Variants in SMARCA2 observed in about 807,000 individuals in gnomAD.
SMARCA2 encodes SWI/SNF-related matrix-associated actin-dependent regulator of chromatin subfamily A member 2.
SMARCA2 carries 61 observed loss-of-function variants against 199.8 expected under a neutral mutation model. That is an observed-to-expected ratio of 0.31 (90% CI 0.25 to 0.38). SMARCA2 has a LOEUF of 0.38. SMARCA2 is among the 10% of genes least tolerant of loss of function. The pLI is 1.00. For synonymous variants in SMARCA2, 935 were observed against 732.0 expected (o/e 1.28, Z -4.48); for missense variants, 1,344 against 2,012.2 (o/e 0.67, Z 6.35).
intron 27 of SMARCA2, among the ~76,000 whole-genome samples, chr9:2,138,225 C>T (rs1214200220): frequency 6.6e-6 from 1 of 151,710 alleles, no homozygotes; most frequent in African/African-American, 2.4e-5. Flanking sequence ...AAAATTAAGA[C>T]AAAAAGTATT....
chr9:2,186,216 T>G lies in SMARCA2; in HGVS notation c.4582T>G (p.Ser1528Ala), dbSNP rs575273198. ...GGAGGAAGAGGAAGATGAAGAAGAGTCAGAGTCCGAGGGTAAGCCCAGACA... is the reference window on the plus strand; with the variant it reads ...GGAGGAAGAGGAAGATGAAGAAGAGGCAGAGTCCGAGGGTAAGCCCAGACA... ...EEEEEEDEEE[S>A]ESEAKSVKVK... Residue 1528 changes from serine (S) to alanine (A), a missense_variant, in exon 32 of 34, where the codon TCA becomes GCA. By Grantham distance (99) the Ser-to-Ala change is moderately conservative. Around this residue, in one of 18 missense-constraint regions of SMARCA2, gnomAD observed 155 missense variants for 121.1 expected, o/e 1.28. Coordinates refer to ENST00000349721, the MANE Select transcript of SMARCA2 (RefSeq NM_003070.5). 2 of 1,613,338 alleles carry G rather than the reference T, an allele frequency of 1.2e-6. No homozygotes were observed. The highest frequency in any genetic ancestry group is 1.3e-5 in the African/African-American group (1 of 74,850).
intron 27 of SMARCA2, among the ~76,000 whole-genome samples, chr9:2,133,124 A>T (rs1047688627): frequency 6.6e-6 from 1 of 152,328 alleles, no homozygotes; most frequent in African/African-American, 2.4e-5. Flanking sequence ...TAACCATGGG[A>T]AACTGAATTT....
At chr9:2,134,029 G>C (rs1251768050) in intron 27 of SMARCA2, among the ~76,000 whole-genome samples, 1 of 152,110 alleles carries the variant, frequency 6.6e-6, no homozygotes, top group African/African-American at 2.4e-5. Flanking sequence ...GAGAATTAAA[G>C]GTGTGTAACA....
chr9:2,145,792 C>A (rs1824712417), intron 27 of SMARCA2, among the ~76,000 whole-genome samples: 1 of 152,006 alleles, frequency 6.6e-6, no homozygotes, highest in African/African-American at 2.4e-5. Context: ...GCTATGTACT[C>A]TAGGGGAATT....
At position 2,148,797 on chromosome 9, in the gene SMARCA2, C is replaced by T. The variant is rs140409091; in HGVS notation, c.3982-12889C>T. ...GCACTGAGATTACAAGTGTGAGCCA[C>T]GGTGCCCAGCTTGTTTTCTATAGAT... is the stretch of plus-strand genomic sequence containing the variant. On this transcript the variant is annotated intron_variant, in intron 27 of 33. Coordinates refer to ENST00000349721, the MANE Select transcript of SMARCA2 (RefSeq NM_003070.5). Among the ~76,000 whole-genome samples the T allele has an allele frequency of 2.1e-4, 32 of 151,570 alleles. No homozygotes were observed. The East Asian group carries it at 4.5e-3, about 21-fold the overall frequency.
intron 27 of SMARCA2, among the ~76,000 whole-genome samples, chr9:2,144,773 G>A (rs1310103716): frequency 6.6e-6 from 1 of 152,114 alleles, no homozygotes; most frequent in South Asian, 2.1e-4. Flanking sequence ...GAGGCCTCCA[G>A]AGGTCATTAA....
chr9:2,131,708 C>T (rs1160151394), intron 27 of SMARCA2, among the ~76,000 whole-genome samples: 1 of 152,050 alleles, frequency 6.6e-6, no homozygotes, highest in African/African-American at 2.4e-5. Flanking sequence ...AGGCCGGGTG[C>T]GGTGGCTCAC....
chr9:2,078,173 T>C (rs1821407977), intron 14 of SMARCA2, among the ~76,000 whole-genome samples: 2 of 152,194 alleles, frequency 1.3e-5, no homozygotes, highest in African/African-American at 4.8e-5. Flanking sequence ...ATTTATGCTT[T>C]TTCTTAAGAC....
intron 3 of SMARCA2, among the ~76,000 whole-genome samples, chr9:2,036,514 C>T (rs1437185829): frequency 6.6e-6 from 1 of 152,156 alleles, no homozygotes; most frequent in Non-Finnish European, 1.5e-5. Context: ...GATGTTGTAT[C>T]ACTTAGATTC....
chr9:2,047,142 C>A, intron 4 of SMARCA2, 87 bp from the exon 5 acceptor site: 1 of 967,252 alleles, frequency 1.0e-6, no homozygotes, highest in Non-Finnish European at 1.2e-6. Flanking sequence ...GTCCCCAGCA[C>A]TGGGCCCCGG....
chr9:2,029,195 C>G lies in SMARCA2; in HGVS notation c.173C>G (p.Pro58Arg), dbSNP rs764338204. The G allele has an allele frequency of 1.9e-6, 3 of 1,613,384 alleles. No homozygotes were observed. Among genetic ancestry groups the G allele is most frequent in the Non-Finnish European group, 8.5e-7 (1 of 1,179,646 alleles). Residue 58 changes from proline (P) to arginine (R), a missense_variant, in exon 2 of 34, where the codon CCG becomes CGG. This residue lies in a region of SMARCA2 where 275 missense variants were observed against 247.5 expected (regional missense o/e 1.11). Transcript: ENST00000349721. The part of the protein sequence containing the change: ...PGPPSVSHPM[P>R]TMGSTDFPQE... The stretch of plus-strand genomic sequence containing the variant: ...CCTCCAAGTGTCTCCCATCCTATGC[C>G]GACGATGGGGTCCACAGACTTCCCA...
At chr9:2,116,144 C>T in intron 25 of SMARCA2, 95 bp downstream of exon 25, 1 of 903,690 alleles carries the variant, frequency 1.1e-6, no homozygotes, top group Non-Finnish European at 1.7e-6. Flanking sequence ...ACTTCCTGGG[C>T]TGGCGTTAAT....
At chr9:2,031,540 G>A (rs1180905644) in intron 2 of SMARCA2, among the ~76,000 whole-genome samples, 1 of 152,120 alleles carries the variant, frequency 6.6e-6, no homozygotes, top group African/African-American at 2.4e-5. Flanking sequence ...TGAGTGTTGG[G>A]TCAGTGTTAT....
chr9:2,177,386 C>G (rs1336729437), intron 29 of SMARCA2, among the ~76,000 whole-genome samples: 1 of 152,044 alleles, frequency 6.6e-6, no homozygotes, highest in African/African-American at 2.4e-5. Flanking sequence ...TTTATTTCAG[C>G]TATGGTTAAG....
At chr9:2,029,323 T>G in intron 2 of SMARCA2, 76 bp downstream of exon 2, 1 of 1,538,000 alleles carries the variant, frequency 6.5e-7, no homozygotes, top group Non-Finnish European at 8.8e-7. Context: ...CCCATCCCCC[T>G]TTCTACTGTT....
chr9:2,170,493 C>T lies in SMARCA2; in HGVS notation c.4253+21C>T, dbSNP rs184903732. The T allele has an allele frequency of 6.2e-7, 1 of 1,613,900 alleles. No homozygotes were observed. The highest frequency in any genetic ancestry group is 8.5e-7 in the Non-Finnish European group (1 of 1,179,880). ...AACAGGTCAGGATCTGTCTTGTATT[C>T]CCCTATCTCTAAATACAGGTATCCC... On this transcript the variant is annotated intron_variant, in intron 29 of 33. Transcript: ENST00000349721. This position sits in a 1 kb window ranked among gnomAD's most constrained non-coding sequence, Gnocchi z 4.7.
At chr9:2,105,706 C>T (rs1413409197) in intron 23 of SMARCA2, among the ~76,000 whole-genome samples, 6 of 152,162 alleles carry the variant, frequency 3.9e-5, no homozygotes, top group Admixed American at 2.0e-4. Flanking sequence ...TCCCTGCCTC[C>T]GGAAAGTGGA....
At chr9:2,176,970 AG>A (rs1826654901) in intron 29 of SMARCA2, among the ~76,000 whole-genome samples, 1 of 152,166 alleles carries the variant, frequency 6.6e-6, no homozygotes, top group Admixed American at 6.5e-5. Context: ...CAAACTTGTT[AG>A]GAATTATCAC....
At chr9:2,112,625 C>G (rs1446842606) in intron 24 of SMARCA2, among the ~76,000 whole-genome samples, 2 of 152,184 alleles carry the variant, frequency 1.3e-5, no homozygotes, top group African/African-American at 4.8e-5. Context: ...CAGATTTTCT[C>G]TGGTGGAATT....
Sources: allele counts gnomAD v4.1 joint callset (sites outside exome capture counted in the v4.1 genomes callset), GRCh38; gene constraint gnomAD v4.1.1; regional missense constraint gnomAD v4.1.1; non-coding constraint Gnocchi (gnomAD v3.1); transcripts MANE v1.5; gene names NCBI Gene and HGNC (gene_info 2026-07-23, HGNC 2026-07-21).